The following SCAF8 variants were observed in gnomAD, a reference collection of about 807,000 sequenced individuals.
The protein encoded by SCAF8 is SR-related CTD associated factor 8.
A neutral mutation model predicts 140.5 loss-of-function variants in SCAF8; 23 were observed. The observed-to-expected ratio is 0.16, with a 90% CI of 0.12 to 0.23. SCAF8 has a LOEUF of 0.23. Ranked by LOEUF, SCAF8 falls within the 10% of genes least tolerant of loss-of-function variation. SCAF8 has a pLI of 1.00. For synonymous variants in SCAF8, 575 were observed against 528.9 expected (o/e 1.09, Z -1.20); for missense variants, 1,397 against 1,555.7 (o/e 0.90, Z 1.72).
intron 1 of SCAF8, among the ~76,000 whole-genome samples, chr6:154,746,060 A>G (rs1311772566): frequency 1.3e-5 from 2 of 151,940 alleles, no homozygotes; most frequent in African/African-American, 4.8e-5. Flanking sequence ...TAATTTTTGT[A>G]TTTTTAGTCG....
At chr6:154,763,552 A>G (rs1430436402) in intron 1 of SCAF8, among the ~76,000 whole-genome samples, 1 of 152,198 alleles carries the variant, frequency 6.6e-6, no homozygotes, top group African/African-American at 2.4e-5. Flanking sequence ...TCATAGTAGA[A>G]TTCATTTCAT....
At position 154,733,429 on chromosome 6, in the gene SCAF8, C is replaced by A; in HGVS notation, c.-472C>A. On this transcript the variant is annotated 5_prime_UTR_variant, in exon 1 of 20. Coordinates refer to ENST00000367178, the MANE Select transcript of SCAF8 (RefSeq NM_014892.5). ...CTCGAGTCCGCCATATTGGATGCCG[C>A]AGCCGCTGCTGCCAGCGCTTCCTCC... is the stretch of plus-strand genomic sequence containing the variant. 7.1e-7 allele frequency: 1 copy of A among 1,402,696 alleles called. No individual in the cohort carries two copies. Among genetic ancestry groups the A allele is most frequent in the Non-Finnish European group, 9.3e-7 (1 of 1,078,368 alleles). The allele number at this position is 1,402,696 out of a possible 1,614,324, so 86.9% of individuals were successfully genotyped here. A position where few individuals can be genotyped will look rare whatever the true frequency, so the allele number is the denominator to read the frequency against.
chr6:154,757,883 C>T (rs567306477), intron 1 of SCAF8, among the ~76,000 whole-genome samples: 9 of 151,530 alleles, frequency 5.9e-5, no homozygotes, highest in African/African-American at 1.7e-4. Flanking sequence ...TGGACAGATT[C>T]CCTGGGGTAT....
At chr6:154,809,164 A>G (rs902018990) in intron 11 of SCAF8, among the ~76,000 whole-genome samples, 1 of 152,236 alleles carries the variant, frequency 6.6e-6, no homozygotes. Flanking sequence ...AAAAATGGTT[A>G]TAAAAATGAA....
chr6:154,738,486 C>G (rs1024440578), intron 1 of SCAF8, among the ~76,000 whole-genome samples: 1 of 152,162 alleles, frequency 6.6e-6, no homozygotes, highest in African/African-American at 2.4e-5. Context: ...GTGCCCCATG[C>G]TAATTTTGTG....
At position 154,733,456 on chromosome 6, in the gene SCAF8, C is replaced by G. The variant is rs1002455427; in HGVS notation, c.-445C>G. 19 of 1,380,932 alleles carry G rather than the reference C, an allele frequency of 1.4e-5. No homozygotes were observed. The highest frequency in any genetic ancestry group is 1.4e-4 in the African/African-American group (9 of 66,074). The allele number at this position is 1,380,932 out of a possible 1,614,324, so 85.5% of individuals were successfully genotyped here. On this transcript the variant is annotated 5_prime_UTR_variant, in exon 1 of 20. Transcript: ENST00000367178. ...GCCGCTGCTGCCAGCGCTTCCTCCT[C>G]TGTCTTCGCCGAGCGGGGCTGGTTC...
At chr6:154,828,552 TTTGGACGGTGGGAGACCTGTG>T (rs1420318101) in intron 18 of SCAF8, among the ~76,000 whole-genome samples, 1 of 151,938 alleles carries the variant, frequency 6.6e-6, no homozygotes, top group African/African-American at 2.4e-5. Flanking sequence ...TTGTTTCATC[TTTGGACGGTGGGAGACCTGTG>T]TTGCCTCCCT....
chr6:154,812,794 GTTTCC>G (rs1411817580), intron 12 of SCAF8, among the ~76,000 whole-genome samples: 2 of 152,116 alleles, frequency 1.3e-5, no homozygotes, highest in African/African-American at 4.8e-5. Flanking sequence ...AAATAATGGA[GTTTCC>G]TATGGGAAAA....
intron 8 of SCAF8, 35 bp downstream of exon 8, chr6:154,803,658 A>G (rs775969606): frequency 7.6e-7 from 1 of 1,308,256 alleles, no homozygotes; most frequent in South Asian, 1.2e-5. Flanking sequence ...TAGTTTTTTT[A>G]TATTTAGTGG....
Position 154,795,143 on chromosome 6 carries a change from A to C in SCAF8, c.606+4A>C, listed in dbSNP as rs1777564252. Reference sequence around the variant, plus strand: ...GCAAAGTCCTCAAGGCCAGCAGGTGAGCGGTTTTTCTGTTATATCAAGAAT... The same window carrying C: ...GCAAAGTCCTCAAGGCCAGCAGGTGCGCGGTTTTTCTGTTATATCAAGAAT... On this transcript the variant is annotated splice_donor_region_variant and intron_variant, in intron 6 of 19. Coordinates refer to ENST00000367178, the MANE Select transcript of SCAF8 (RefSeq NM_014892.5). 1.3e-6 allele frequency: 2 copies of C among 1,560,942 alleles called. No individual in the cohort carries two copies. The highest frequency in any genetic ancestry group is 2.3e-5 in the South Asian group (2 of 86,226).
At chr6:154,781,367 A>G (rs1038440619) in intron 3 of SCAF8, among the ~76,000 whole-genome samples, 7 of 152,238 alleles carry the variant, frequency 4.6e-5, no homozygotes, top group Non-Finnish European at 8.8e-5. Flanking sequence ...AAAACATTCT[A>G]TCCTCATGGA....
In SCAF8 at chr6:154,833,498, TAAGTTAA is replaced by T. The variant is rs1278771306; in HGVS notation, c.*104_*110del. On this transcript the variant is annotated 3_prime_UTR_variant, in exon 20 of 20. Transcript: ENST00000367178. ...GTTGTTCACTTTTGTCTGCCAGAAT[TAAGTTAA>T]TCTGATGTTCATGTTCACCTTTCTC... 15 of 1,063,152 alleles carry T rather than the reference TAAGTTAA, an allele frequency of 1.4e-5. No individual in the cohort carries two copies. The highest frequency in any genetic ancestry group is 2.0e-5 in the Non-Finnish European group (15 of 733,158). The allele number at this position is 1,063,152 out of a possible 1,614,324, so 65.9% of individuals were successfully genotyped here. A position where few individuals can be genotyped will look rare whatever the true frequency, so the allele number is the denominator to read the frequency against.
Position 154,832,335 on chromosome 6 carries a change from C to T in SCAF8, c.2756C>T (p.Pro919Leu). ...PPLSIPNQRM[P>L]TMPMLDIRPG... ...TTAAGTATCCCTAATCAAAGGATGC[C>T]CACAATGCCAATGTTAGACATTCGT... Residue 919 changes from proline (P) to leucine (L), a missense_variant, in exon 20 of 20, where the codon CCC becomes CTC. Coordinates refer to ENST00000367178, the MANE Select transcript of SCAF8 (RefSeq NM_014892.5). The T allele has an allele frequency of 1.2e-6, 2 of 1,613,936 alleles. No individual in the cohort carries two copies. Among genetic ancestry groups the T allele is most frequent in the Non-Finnish European group, 1.7e-6 (2 of 1,179,992 alleles).
chr6:154,814,598 A>G (rs1778193520), intron 12 of SCAF8, among the ~76,000 whole-genome samples: 1 of 152,240 alleles, frequency 6.6e-6, no homozygotes, highest in African/African-American at 2.4e-5. Flanking sequence ...TAAATTAGCC[A>G]TAGAGTAAAA....
intron 12 of SCAF8, among the ~76,000 whole-genome samples, chr6:154,812,832 AAG>A (rs1450004443): frequency 6.6e-6 from 1 of 152,134 alleles, no homozygotes; most frequent in Non-Finnish European, 1.5e-5. Flanking sequence ...ATAATATTGA[AAG>A]AGATGGGAAA....
At position 154,733,627 on chromosome 6, in the gene SCAF8, C is replaced by G; in HGVS notation, c.-274C>G. The G allele has an allele frequency of 1.5e-6, 2 of 1,292,804 alleles. No homozygotes were observed. The highest frequency in any genetic ancestry group is 2.5e-5 in the South Asian group (1 of 40,366). 80.1% of individuals were successfully genotyped at this position (1,292,804 alleles called of 1,614,324 possible). ...GAGAAGGCGCCGCGGCCCAGCCCCT[C>G]CCCCGCCCGCCGCCGACCCGCCCCG... On this transcript the variant is annotated 5_prime_UTR_variant, in exon 1 of 20. Coordinates refer to ENST00000367178, the MANE Select transcript of SCAF8 (RefSeq NM_014892.5).
In SCAF8 at chr6:154,810,227, C is replaced by T; in HGVS notation, c.1420+19C>T. 1 of 1,525,812 alleles carries T rather than the reference C, an allele frequency of 6.6e-7. No homozygotes were observed. Among genetic ancestry groups the T allele is most frequent in the Non-Finnish European group, 8.9e-7 (1 of 1,125,126 alleles). The allele number at this position is 1,525,812 out of a possible 1,614,324, so 94.5% of individuals were successfully genotyped here. A position where few individuals can be genotyped will look rare whatever the true frequency, so the allele number is the denominator to read the frequency against. ...CTAAGTGGTAAGTAACATATATCTGCAACGCTTTGGTTTCAATTAATATTT... is the reference window on the plus strand; with the variant it reads ...CTAAGTGGTAAGTAACATATATCTGTAACGCTTTGGTTTCAATTAATATTT... On this transcript the variant is annotated intron_variant, in intron 12 of 19. Transcript: ENST00000367178.
chr6:154,808,935 A>G, intron 11 of SCAF8, 137 bp downstream of exon 11: 2 of 618,188 alleles, frequency 3.2e-6, no homozygotes, highest in Admixed American at 5.7e-5. Context: ...AGTTATTCCA[A>G]AAACAAGATA....
intron 8 of SCAF8, 74 bp downstream of exon 8, chr6:154,803,697 C>G (rs1562454542): frequency 2.3e-6 from 2 of 864,052 alleles, no homozygotes; most frequent in East Asian, 5.1e-5. Flanking sequence ...ACTAAGTATA[C>G]TTAGTAAGTT....
Sources: gnomAD v4.1 joint callset for allele counts (sites outside exome capture counted in the v4.1 genomes callset) on GRCh38, gnomAD v4.1.1 for gene constraint, MANE v1.5 for transcripts, NCBI Gene and HGNC (gene_info 2026-07-23, HGNC 2026-07-21) for gene names.